Variants in MAGI1 observed in about 807,000 individuals in gnomAD.
MAGI1 encodes the protein membrane associated guanylate kinase, WW and PDZ domain containing 1.
Under a neutral mutation model 139.9 loss-of-function variants are expected in MAGI1, and 58 were observed. That is an observed-to-expected ratio of 0.41 (90% CI 0.34 to 0.52). The LOEUF (loss-of-function observed/expected upper bound fraction) is 0.52, where lower values mean the gene tolerates loss of function less well. Ranked by LOEUF, MAGI1 falls within the 20% of genes least tolerant of loss-of-function variation. MAGI1 has a pLI of 0.12. For missense variants in MAGI1, 1,874 were observed against 1,901.6 expected, an observed-to-expected ratio of 0.99 and a Z score of 0.27; for synonymous variants, 812 against 737.9, an observed-to-expected ratio of 1.10 and a Z score of -1.63.
intron 1 of MAGI1, chr3:65,844,516 T>G (rs540031552): frequency 3.7e-5 from 9 of 241,536 alleles, no homozygotes; most frequent in Non-Finnish European, 7.2e-5. Context: ...TATGTCCTCT[T>G]CTCAGAGAGC....
chr3:65,381,182 C>G (rs1179448678), intron 16 of MAGI1, among the ~76,000 whole-genome samples: 1 of 152,100 alleles, frequency 6.6e-6, no homozygotes, highest in Admixed American at 6.5e-5. Context: ...AATTCACTGT[C>G]TCAAAATGGC....
At chr3:65,746,350 A>G (rs971738862) in intron 1 of MAGI1, among the ~76,000 whole-genome samples, 39 of 152,280 alleles carry the variant, frequency 2.6e-4, no homozygotes, top group African/African-American at 8.9e-4. Context: ...TCTTAATTCA[A>G]TGCATATTTT....
At chr3:65,370,147 T>C (rs913930879) in intron 18 of MAGI1, among the ~76,000 whole-genome samples, 3 of 152,160 alleles carry the variant, frequency 2.0e-5, no homozygotes, top group African/African-American at 7.2e-5. Context: ...ATTTCCAAAA[T>C]GCTGTTTCTC....
intron 1 of MAGI1, among the ~76,000 whole-genome samples, chr3:66,016,981 C>A (rs1268576540): frequency 6.6e-6 from 1 of 151,892 alleles, no homozygotes; most frequent in Admixed American, 6.6e-5. Flanking sequence ...TCACCAGGGG[C>A]CAGGGGAAAG....
chr3:65,601,920 A>G (rs2082502655), intron 2 of MAGI1, among the ~76,000 whole-genome samples: 1 of 152,178 alleles, frequency 6.6e-6, no homozygotes, highest in Non-Finnish European at 1.5e-5. Context: ...AAAAAGACAA[A>G]TAATCCAATT....
intron 2 of MAGI1, among the ~76,000 whole-genome samples, chr3:65,598,307 G>A (rs532018730): frequency 1.3e-5 from 2 of 152,186 alleles, no homozygotes; most frequent in Non-Finnish European, 2.9e-5. Context: ...GGAGCCCCTG[G>A]ACATGGAAAG....
chr3:65,568,729 A>G (rs2080800982), intron 2 of MAGI1, among the ~76,000 whole-genome samples: 1 of 152,204 alleles, frequency 6.6e-6, no homozygotes, highest in African/African-American at 2.4e-5. Context: ...CATGTTGACT[A>G]TTAAATACCA....
At chr3:65,359,533 C>T (rs1363017165) in intron 22 of MAGI1, 11 of 1,012,362 alleles carry the variant, frequency 1.1e-5, no homozygotes, top group East Asian at 9.2e-5. Context: ...CACCAAAGAC[C>T]GCGGCAGTTA....
chr3:65,882,527 C>A (rs997808848), intron 1 of MAGI1, among the ~76,000 whole-genome samples: 1 of 151,938 alleles, frequency 6.6e-6, no homozygotes, highest in African/African-American at 2.4e-5. Flanking sequence ...TTGACCATCC[C>A]ATTAAGACTA....
Position 65,862,049 on chromosome 3 carries a change from T to C in MAGI1, c.313+175947A>G, listed in dbSNP as rs546176054. Among the ~76,000 whole-genome samples, 11 of 152,266 alleles carry C rather than the reference T, an allele frequency of 7.2e-5. No homozygotes were observed. The East Asian group carries it at 1.9e-3, about 27-fold the overall frequency. ...TGACATCTTATTTATCTTCAATTCT[T>C]CTCTTTGCACTATGTCTAATGAGGC... On this transcript the variant is annotated intron_variant, in intron 1 of 22. Transcript: ENST00000402939.
At chr3:65,732,834 T>A (rs1559830253) in intron 1 of MAGI1, among the ~76,000 whole-genome samples, 1 of 151,400 alleles carries the variant, frequency 6.6e-6, no homozygotes, top group Admixed American at 6.5e-5. Flanking sequence ...ATCTTTAAGG[T>A]CTGGCAAAAA....
At chr3:65,402,075 T>A in intron 12 of MAGI1, 1 of 217,068 alleles carries the variant, frequency 4.6e-6, no homozygotes, top group Non-Finnish European at 7.8e-6. Context: ...CAAATCCAAG[T>A]TGCTCTAGGG....
chr3:66,003,261 G>A (rs967669211), intron 1 of MAGI1, among the ~76,000 whole-genome samples: 2 of 151,912 alleles, frequency 1.3e-5, no homozygotes, highest in Non-Finnish European at 2.9e-5. Flanking sequence ...CCAGCCATTC[G>A]CCACCACCTC....
chr3:65,784,783 A>T (rs181215452), intron 1 of MAGI1, among the ~76,000 whole-genome samples: 98 of 152,362 alleles, frequency 6.4e-4, no homozygotes, highest in Non-Finnish European at 1.0e-3. Flanking sequence ...ATATTTGGGA[A>T]GAAGAAATGA....
At chr3:65,861,210 T>C (rs1482670551) in intron 1 of MAGI1, among the ~76,000 whole-genome samples, 1 of 152,132 alleles carries the variant, frequency 6.6e-6, no homozygotes, top group Admixed American at 6.5e-5. Flanking sequence ...AGTCACAAAG[T>C]GGAAACGTGG....
chr3:65,837,962 G>C (rs2058682523), intron 1 of MAGI1, among the ~76,000 whole-genome samples: 1 of 152,186 alleles, frequency 6.6e-6, no homozygotes. Context: ...GAACAGAGAA[G>C]TTGTGCATAC....
At chr3:65,982,046 C>T (rs1490708546) in intron 1 of MAGI1, among the ~76,000 whole-genome samples, 2 of 152,196 alleles carry the variant, frequency 1.3e-5, no homozygotes, top group Non-Finnish European at 2.9e-5. Flanking sequence ...TCTTAAAACA[C>T]TTTCTCCCCT....
intron 1 of MAGI1, among the ~76,000 whole-genome samples, chr3:65,919,679 T>TTC (rs10575249): frequency 0.015 from 2,219 of 148,514 alleles, 19 homozygotes; most frequent in Middle Eastern, 0.028. Context: ...TTCTCTCTCC[T>TTC]TCTCTCTCTC....
chr3:65,360,844 T>A (rs566249634), intron 22 of MAGI1: 2 of 1,113,912 alleles, frequency 1.8e-6, no homozygotes, highest in South Asian at 7.5e-5. Context: ...TTCCTGCTTC[T>A]TAAAAGGAGT....
Sources: gnomAD v4.1 joint callset for allele counts (sites outside exome capture counted in the v4.1 genomes callset) on GRCh38, gnomAD v4.1.1 for gene constraint, MANE v1.5 for transcripts, NCBI Gene and HGNC (gene_info 2026-07-23, HGNC 2026-07-21) for gene names.